Variants in ENPP6 observed in about 807,000 individuals in gnomAD.
ENPP6 encodes ectonucleotide pyrophosphatase/phosphodiesterase 6.
ENPP6 carries 32 observed loss-of-function variants against 42.0 expected under a neutral mutation model. The ratio of observed to expected loss-of-function variants is 0.76; its 90% confidence interval spans 0.58 to 1.02. ENPP6 has a LOEUF of 1.02. ENPP6 is among the 50% of genes least tolerant of loss of function. ENPP6 has a pLI of 0.00. For synonymous variants in ENPP6, 213 were observed against 216.0 expected, an observed-to-expected ratio of 0.99 and a Z score of 0.12; for missense variants, 552 against 566.8, an observed-to-expected ratio of 0.97 and a Z score of 0.27.
chr4:184,104,322 A>G (rs1277149644), intron 6 of ENPP6, among the ~76,000 whole-genome samples: 1 of 152,226 alleles, frequency 6.6e-6, no homozygotes, highest in East Asian at 1.9e-4. Flanking sequence ...TCCAGTTTTC[A>G]AAATAAGTCT....
intron 6 of ENPP6, among the ~76,000 whole-genome samples, chr4:184,107,818 G>A (rs1736125749): frequency 6.6e-6 from 1 of 151,896 alleles, no homozygotes; most frequent in Admixed American, 6.6e-5. Flanking sequence ...GGGAGGCTGA[G>A]GCAGGAGAAT....
intron 6 of ENPP6, among the ~76,000 whole-genome samples, chr4:184,104,699 G>A (rs1487536785): frequency 6.6e-6 from 1 of 152,214 alleles, no homozygotes; most frequent in Non-Finnish European, 1.5e-5. Context: ...TTTACTTGGT[G>A]ACTGGTTTAC....
chr4:184,133,914 C>G (rs1023457423), intron 2 of ENPP6, among the ~76,000 whole-genome samples: 2 of 149,038 alleles, frequency 1.3e-5, no homozygotes, highest in African/African-American at 4.9e-5. Flanking sequence ...GTCACCCAGG[C>G]TGGAGTGATT....
intron 1 of ENPP6, among the ~76,000 whole-genome samples, chr4:184,163,561 C>T (rs899924482): frequency 6.6e-6 from 1 of 152,154 alleles, no homozygotes; most frequent in Non-Finnish European, 1.5e-5. Flanking sequence ...AAAAACACAA[C>T]ATTGTATTCA....
intron 2 of ENPP6, among the ~76,000 whole-genome samples, chr4:184,141,290 T>C (rs1736816005): frequency 6.6e-6 from 1 of 152,148 alleles, no homozygotes; most frequent in Admixed American, 6.5e-5. Context: ...CGAGCATTGC[T>C]CAACCTCGCA....
chr4:184,202,262 A>G (rs1732914950), intron 1 of ENPP6, among the ~76,000 whole-genome samples: 2 of 152,210 alleles, frequency 1.3e-5, no homozygotes, highest in Non-Finnish European at 2.9e-5. Flanking sequence ...CCCTTTACTC[A>G]GACTTCAGAA....
chr4:184,174,815 G>C (rs549532607), intron 1 of ENPP6, among the ~76,000 whole-genome samples: 4 of 152,158 alleles, frequency 2.6e-5, no homozygotes, highest in African/African-American at 9.7e-5. Flanking sequence ...GTGGAAGCCC[G>C]CACCAAACTT....
rs770824614 is a variant in ENPP6, at chr4:184,184,512, A to T, written c.242-30779T>A. ...GTATATGTGGGAAAGAGATTAAAAT[A>T]TGAGGGAAAGCAAATCGTGGCTCCA... is the stretch of plus-strand genomic sequence containing the variant. On this transcript the variant is annotated intron_variant, in intron 1 of 7. Coordinates refer to ENST00000296741, the MANE Select transcript of ENPP6 (RefSeq NM_153343.4). The surrounding 1 kb of genome is among the most constrained non-coding windows in gnomAD (Gnocchi z 4.7). Among the ~76,000 whole-genome samples the T allele has an allele frequency of 4.6e-5, 7 of 152,186 alleles. No homozygotes were observed. The highest frequency in any genetic ancestry group is 7.4e-5 in the Non-Finnish European group (5 of 68,024).
intron 1 of ENPP6, among the ~76,000 whole-genome samples, chr4:184,166,216 T>A (rs1161111379): frequency 2.0e-5 from 3 of 152,188 alleles, no homozygotes; most frequent in Non-Finnish European, 4.4e-5. Flanking sequence ...CAACTCCTGA[T>A]GTATGTGCCA....
At chr4:184,128,621 G>A (rs1446588502) in intron 2 of ENPP6, among the ~76,000 whole-genome samples, 5 of 148,622 alleles carry the variant, frequency 3.4e-5, no homozygotes, top group African/African-American at 1.2e-4. Flanking sequence ...CACACACAAA[G>A]AAATCTTGGA....
intron 1 of ENPP6, among the ~76,000 whole-genome samples, chr4:184,193,587 C>T (rs376431047): frequency 6.6e-6 from 1 of 152,172 alleles, no homozygotes; most frequent in Middle Eastern, 3.2e-3. Flanking sequence ...CTAAAAATAA[C>T]TGGGTTGTAC....
intron 1 of ENPP6, among the ~76,000 whole-genome samples, chr4:184,197,033 G>A (rs1407333229): frequency 6.6e-6 from 1 of 152,190 alleles, no homozygotes. Flanking sequence ...GCTTTTAGCT[G>A]GACGTTATAA....
intron 1 of ENPP6, among the ~76,000 whole-genome samples, chr4:184,206,120 C>G (rs1696178216): frequency 2.6e-5 from 4 of 152,128 alleles, no homozygotes; most frequent in Admixed American, 2.6e-4. Context: ...GGCTCACAAG[C>G]TGGGGCAATG....
intron 1 of ENPP6, among the ~76,000 whole-genome samples, chr4:184,211,000 C>T (rs1157618878): frequency 3.3e-4 from 50 of 150,148 alleles, no homozygotes; most frequent in African/African-American, 1.0e-3. Flanking sequence ...GGGTACATAA[C>T]GAAATGAAGG....
intron 7 of ENPP6, among the ~76,000 whole-genome samples, chr4:184,092,950 T>C (rs1172710032): frequency 6.6e-6 from 1 of 152,250 alleles, no homozygotes; most frequent in African/African-American, 2.4e-5. Flanking sequence ...TGCTCCTCTA[T>C]TTATCCTGGA....
At chr4:184,203,860 C>A (rs1199296282) in intron 1 of ENPP6, 1 of 152,200 alleles carries the variant, frequency 6.6e-6, no homozygotes, top group Non-Finnish European at 1.5e-5. Context: ...TGTAAAAAAA[C>A]CCTGCATTTT....
chr4:184,143,047 C>G (rs766650393), intron 2 of ENPP6, among the ~76,000 whole-genome samples: 4 of 152,300 alleles, frequency 2.6e-5, no homozygotes, highest in Non-Finnish European at 5.9e-5. Flanking sequence ...CTCCATGCTT[C>G]CCACAAAGGA....
intron 2 of ENPP6, among the ~76,000 whole-genome samples, chr4:184,129,279 A>ACC (rs5864873): frequency 0.026 from 3,837 of 149,698 alleles, 164 homozygotes; most frequent in African/African-American, 0.088. Context: ...GTACACAAAC[A>ACC]CCCCCCCAAC....
At chr4:184,172,109 A>G (rs867413588) in intron 1 of ENPP6, among the ~76,000 whole-genome samples, 34 of 152,168 alleles carry the variant, frequency 2.2e-4, no homozygotes, top group African/African-American at 8.2e-4. Context: ...AACAAAGAGC[A>G]TCCAGGGCGA....
Sources: gnomAD v4.1 joint callset for allele counts (sites outside exome capture counted in the v4.1 genomes callset) on GRCh38, gnomAD v4.1.1 for gene constraint, Gnocchi (gnomAD v3.1) non-coding constraint, MANE v1.5 for transcripts, NCBI Gene and HGNC (gene_info 2026-07-23, HGNC 2026-07-21) for gene names.